The following MEGF6 variants were observed in gnomAD, a reference collection of about 807,000 sequenced individuals.
MEGF6 encodes multiple epidermal growth factor-like domains protein 6.
In MEGF6, 184 loss-of-function variants were observed where a neutral mutation model predicts 207.1. The observed-to-expected ratio is 0.89, with a 90% confidence interval of 0.79 to 1.00. The LOEUF is 1.00. Among genes scored for constraint, MEGF6 ranks in the 50% least tolerant of loss-of-function variants. The pLI is 0.00. For synonymous variants in MEGF6, 1,038 were observed against 910.0 expected, an observed-to-expected ratio of 1.14 and a Z score of -2.53; for missense variants, 2,282 against 2,202.9, an observed-to-expected ratio of 1.04 and a Z score of -0.72.
chr1:3,547,039 G>A (rs905621786), intron 4 of MEGF6: 1 of 159,948 alleles, frequency 6.3e-6, no homozygotes, highest in South Asian at 1.5e-4. Flanking sequence ...GTGGCTGGGG[G>A]GGGGCCAGCG....
the MEGF6 span, among the ~76,000 whole-genome samples, chr1:3,618,711 A>T: frequency 5.3e-5 from 8 of 152,088 alleles, no homozygotes; most frequent in Non-Finnish European, 8.8e-5. The surrounding 1 kb of genome is among the most constrained non-coding windows in gnomAD (Gnocchi z 4.7). Flanking sequence ...AGCGCTCACG[A>T]CTGCCCCAAG....
At chr1:3,501,774 T>C (rs754716824) in intron 18 of MEGF6, 22 bp downstream of exon 18, 3 of 1,608,232 alleles carry the variant, frequency 1.9e-6, no homozygotes, top group East Asian at 2.2e-5. Flanking sequence ...GAGGCGGAAC[T>C]GGGGCTGCGG....
chr1:3,496,042 G>A (rs377483925), intron 29 of MEGF6, 24 bp from the exon 30 acceptor site: 27 of 1,493,608 alleles, frequency 1.8e-5, no homozygotes, highest in Admixed American at 4.3e-5. Context: ...AGTGGTGATC[G>A]TGGCTGGCTT....
chr1:3,544,657 G>A (rs1402407808), intron 4 of MEGF6, among the ~76,000 whole-genome samples: 1 of 152,152 alleles, frequency 6.6e-6, no homozygotes. Flanking sequence ...GCAGGGTCTT[G>A]GGCCTCTCAC....
intron 29 of MEGF6, 120 bp downstream of exon 29, chr1:3,496,535 G>C: frequency 2.8e-6 from 4 of 1,447,296 alleles, no homozygotes; most frequent in Non-Finnish European, 3.7e-6. Flanking sequence ...GCCAGGCCCA[G>C]CCAGAGGGGG....
chr1:3,550,256 T>G (rs1318737670), intron 4 of MEGF6, among the ~76,000 whole-genome samples: 3 of 151,876 alleles, frequency 2.0e-5, no homozygotes, highest in African/African-American at 7.3e-5. Flanking sequence ...TCCACAGCCA[T>G]CAGAAAGGGG....
At position 3,594,708 on chromosome 1, in the gene MEGF6, AAG is replaced by A. The variant is rs1417823919; in HGVS notation, c.376+628_376+629del. On this transcript the variant is annotated intron_variant, in intron 3 of 36. Transcript: ENST00000356575. The surrounding 1 kb of genome is among the most constrained non-coding windows in gnomAD (Gnocchi z 4.2). Reference sequence around the variant, plus strand: ...AGCTGTGAGCCCCATTCCTTTTACAAAGCAGAGGCTTGAGAGCCGCCCGCTCA... The same window carrying A: ...AGCTGTGAGCCCCATTCCTTTTACAACAGAGGCTTGAGAGCCGCCCGCTCA... Among the ~76,000 whole-genome samples the A allele has an allele frequency of 3.3e-5, 5 of 152,268 alleles. 1 individual carries two copies. The East Asian group carries it at 9.6e-4, about 29-fold the overall frequency.
chr1:3,499,447 G>A (rs1640756070), intron 23 of MEGF6, 141 bp downstream of exon 23: 9 of 1,416,106 alleles, frequency 6.4e-6, no homozygotes, highest in Non-Finnish European at 8.5e-6. Flanking sequence ...CAACGCTCTG[G>A]CCCGAGTGAG....
intron 5 of MEGF6, among the ~76,000 whole-genome samples, chr1:3,517,577 C>T (rs577272936): frequency 1.3e-5 from 2 of 152,340 alleles, no homozygotes; most frequent in Admixed American, 6.5e-5. Flanking sequence ...TCAGGAGGGG[C>T]CACCCCTGCG....
At chr1:3,586,624 G>C (rs569513736) in intron 3 of MEGF6, among the ~76,000 whole-genome samples, 7 of 152,290 alleles carry the variant, frequency 4.6e-5, no homozygotes, top group African/African-American at 1.7e-4. Flanking sequence ...GAGCCTGGGG[G>C]GCCAGCTCAG....
At chr1:3,566,660 G>GC (rs1286151590) in intron 4 of MEGF6, among the ~76,000 whole-genome samples, 2 of 152,280 alleles carry the variant, frequency 1.3e-5, no homozygotes, top group Non-Finnish European at 2.9e-5. Context: ...CACGCTATGA[G>GC]CCCCCCGGCG....
chr1:3,618,816 A>G, the MEGF6 span, among the ~76,000 whole-genome samples: 2 of 152,178 alleles, frequency 1.3e-5, no homozygotes, highest in African/African-American at 4.8e-5. The surrounding 1 kb of genome is among the most constrained non-coding windows in gnomAD (Gnocchi z 4.7). Flanking sequence ...CTCAGCCCAA[A>G]GTGCATCCCC....
At chr1:3,623,772 T>G in the MEGF6 span, among the ~76,000 whole-genome samples, 1 of 152,208 alleles carries the variant, frequency 6.6e-6, no homozygotes, top group Non-Finnish European at 1.5e-5. Context: ...ATCCCTGCAC[T>G]CCACCATTCT....
intron 5 of MEGF6, among the ~76,000 whole-genome samples, chr1:3,523,335 T>G (rs113955987): frequency 0.049 from 7,443 of 152,220 alleles, 615 homozygotes; most frequent in African/African-American, 0.17. Context: ...GGTGGCTGAC[T>G]GGCTACTTAC....
intron 14 of MEGF6, among the ~76,000 whole-genome samples, chr1:3,507,064 G>A (rs943018001): frequency 2.6e-5 from 4 of 152,216 alleles, no homozygotes; most frequent in Admixed American, 6.5e-5. Flanking sequence ...GGGGAAGGGA[G>A]GCACACTGAC....
chr1:3,525,219 G>C (rs1468984254), intron 4 of MEGF6, among the ~76,000 whole-genome samples: 1 of 152,142 alleles, frequency 6.6e-6, no homozygotes, highest in Non-Finnish European at 1.5e-5. Context: ...AGTGCCACCC[G>C]CCATCCCAGA....
intron 1 of MEGF6, among the ~76,000 whole-genome samples, chr1:3,610,543 T>A (rs1434999262): frequency 6.6e-6 from 1 of 152,190 alleles, no homozygotes; most frequent in Non-Finnish European, 1.5e-5. Flanking sequence ...CAAGGATTGA[T>A]TTGCTGTTCA....
intron 1 of MEGF6, 91 bp downstream of exon 1, chr1:3,611,047 A>T: frequency 7.4e-7 from 1 of 1,351,118 alleles, no homozygotes; most frequent in Non-Finnish European, 9.5e-7. Flanking sequence ...AGCCCCAGGG[A>T]CAAAGCCTCG....
chr1:3,499,504 G>C (rs1412175307), intron 23 of MEGF6, 84 bp downstream of exon 23: 3 of 1,521,332 alleles, frequency 2.0e-6, no homozygotes, highest in African/African-American at 2.7e-5. Flanking sequence ...CAGACACTCA[G>C]GACAGGTGGC....
Sources: allele counts gnomAD v4.1 joint callset (sites outside exome capture counted in the v4.1 genomes callset), GRCh38; gene constraint gnomAD v4.1.1; non-coding constraint Gnocchi (gnomAD v3.1); transcripts MANE v1.5; gene names NCBI Gene and HGNC (gene_info 2026-07-23, HGNC 2026-07-21).